IVD: variants seen among roughly 807,000 people sequenced by gnomAD.
IVD encodes the protein isovaleryl-CoA dehydrogenase, mitochondrial.
IVD carries 31 observed loss-of-function variants against 51.3 expected under a neutral mutation model. The ratio of observed to expected loss-of-function variants is 0.60; its 90% CI spans 0.45 to 0.81. The LOEUF is 0.81. Among genes scored for constraint, IVD ranks in the 40% least tolerant of loss-of-function variants. The pLI is 0.00. For missense variants in IVD, 475 were observed against 552.0 expected, an observed-to-expected ratio of 0.86 and a Z score of 1.40; for synonymous variants, 205 against 219.4, an observed-to-expected ratio of 0.93 and a Z score of 0.58.
chr15:40,421,936 G>T (rs1266926919), downstream of IVD, among the ~76,000 whole-genome samples: 1 of 152,208 alleles, frequency 6.6e-6, no homozygotes, highest in Admixed American at 6.5e-5. Context: ...CCTGCCTGCC[G>T]GGTGGGAGCT....
downstream of IVD, among the ~76,000 whole-genome samples, chr15:40,426,308 C>T (rs562301103): frequency 2.0e-5 from 3 of 152,008 alleles, no homozygotes; most frequent in African/African-American, 4.8e-5. Context: ...GAGGCCGAGG[C>T]GGGTGGATCA....
At chr15:40,410,553 A>T in intron 3 of IVD, 75 bp from the exon 4 acceptor site, 1 of 1,557,682 alleles carries the variant, frequency 6.4e-7, no homozygotes, top group South Asian at 1.1e-5. Context: ...CTGCCGTCAA[A>T]TGTAAGATTC....
chr15:40,411,474 C>T lies in IVD; in HGVS notation c.551-81C>T, dbSNP rs543060558. 228 of 1,606,726 alleles carry T rather than the reference C, an allele frequency of 1.4e-4. 1 individual carries two copies. In the East Asian group the frequency reaches 2.1e-3, roughly 14 times the overall value. On this transcript the variant is annotated intron_variant, in intron 5 of 11. Transcript: ENST00000487418. ...CCAGAACTTTCTCAAAGGTGGACAG[C>T]TTCTTGCTCAGCAGAAGGTCTATGG...
chr15:40,422,585 C>CTTTTTTTTTTTTT (rs1157351420), downstream of IVD, among the ~76,000 whole-genome samples: 532 of 69,122 alleles, frequency 7.7e-3, 65 homozygotes, highest in African/African-American at 0.011. Context: ...GCCCGGCCGA[C>CTTTTTTTTTTTTT]TTTTTTTTTT....
At chr15:40,435,304 C>T (rs1893204398) in intron 8 of IVD, 1 of 690,312 alleles carries the variant, frequency 1.4e-6, no homozygotes, top group South Asian at 5.8e-5. Context: ...AGGAGTGGAG[C>T]ATGGGGGTCT....
downstream of IVD, among the ~76,000 whole-genome samples, chr15:40,426,383 C>T (rs1386083796): frequency 6.6e-6 from 1 of 151,700 alleles, no homozygotes; most frequent in Non-Finnish European, 1.5e-5. Flanking sequence ...ACTAAAAATA[C>T]AAAAATTAGC....
At position 40,414,904 on chromosome 15, in the gene IVD, G is replaced by A; in HGVS notation, c.800G>A (p.Gly267Asp). The change falls in exon 8 of 12, where the codon GGC becomes GAC. Residue 267 changes from glycine to aspartate, a missense_variant. Gly to Asp is a moderately conservative substitution (Grantham distance 94). Transcript: ENST00000487418. Reference sequence around the variant, plus strand: ...ATCCTGGCAGCTGCCAACATCCTGGGCCATGAGAATAAGGGTGTCTACGTG... The same window carrying A: ...ATCCTGGCAGCTGCCAACATCCTGGACCATGAGAATAAGGGTGTCTACGTG... ...DCKIPAANIL[G>D]HENKGVYVLM... 1.2e-6 allele frequency: 2 copies of A among 1,614,156 alleles called. No individual in the cohort carries two copies. The highest frequency in any genetic ancestry group is 1.6e-4 in the Middle Eastern group (1 of 6,062).
At chr15:40,410,217 G>A (rs918059648) in intron 3 of IVD, among the ~76,000 whole-genome samples, 2 of 152,122 alleles carry the variant, frequency 1.3e-5, no homozygotes, top group Non-Finnish European at 1.5e-5. Flanking sequence ...CAGATCCTCT[G>A]GCTTTGTATC....
At chr15:40,416,490 T>C (rs1360490633) in intron 11 of IVD, 128 bp downstream of exon 11, 9 of 812,258 alleles carry the variant, frequency 1.1e-5, no homozygotes, top group East Asian at 2.7e-5. Context: ...GAGGCCGAGG[T>C]AGGCAGATCA....
At chr15:40,406,375 C>A in intron 1 of IVD, 1 of 1,291,222 alleles carries the variant, frequency 7.7e-7, no homozygotes, top group Non-Finnish European at 1.0e-6. Context: ...CCTGGGTGGT[C>A]ATCGTAATCA....
chr15:40,412,930 C>A, intron 6 of IVD, 61 bp from the exon 7 acceptor site: 1 of 1,412,060 alleles, frequency 7.1e-7, no homozygotes, highest in South Asian at 1.2e-5. Context: ...AGAGGCCTTT[C>A]CTTTACCAGG....
downstream of IVD, among the ~76,000 whole-genome samples, chr15:40,428,010 C>T (rs1595823430): frequency 6.6e-6 from 1 of 152,024 alleles, no homozygotes; most frequent in Non-Finnish European, 1.5e-5. Context: ...GGTGAAACCC[C>T]GTCTTTACTA....
chr15:40,427,492 C>T (rs1294306454), downstream of IVD, among the ~76,000 whole-genome samples: 3 of 152,174 alleles, frequency 2.0e-5, no homozygotes. Context: ...CAAGAGGCAA[C>T]CTCTACAAAG....
chr15:40,417,991 C>CTGGGGG, intron 11 of IVD, 139 bp from the exon 12 acceptor site: 1 of 1,197,298 alleles, frequency 8.4e-7, no homozygotes, highest in Non-Finnish European at 1.2e-6. Context: ...TCCCCACACC[C>CTGGGGG]CTCCCTCTTG....
chr15:40,421,221 G>GTC lies in IVD; in HGVS notation c.*2959_*2960dup. On this transcript the variant is annotated 3_prime_UTR_variant, in exon 12 of 12. Transcript: ENST00000487418. Reference sequence around the variant, plus strand: ...GCTTCATCCAGTCTGTCTAAGCCCTGTCGACTTGGGGAGGTGATTTCTTTC... The same window carrying GTC: ...GCTTCATCCAGTCTGTCTAAGCCCTGTCTCGACTTGGGGAGGTGATTTCTTTC... 1.0e-6 allele frequency: 1 copy of GTC among 985,462 alleles called. No individual in the cohort carries two copies. The highest frequency in any genetic ancestry group is 1.2e-6 in the Non-Finnish European group (1 of 829,928). The allele number at this position is 985,462 out of a possible 1,614,324, so 61.0% of individuals were successfully genotyped here. A position where few individuals can be genotyped will look rare whatever the true frequency, so the allele number is the denominator to read the frequency against.
chr15:40,432,648 G>A (rs2141436604), intron 7 of IVD, among the ~76,000 whole-genome samples: 1 of 152,376 alleles, frequency 6.6e-6, no homozygotes, highest in East Asian at 1.9e-4. Flanking sequence ...AGAGCCTGTA[G>A]GAGATGGAAC....
downstream of IVD, among the ~76,000 whole-genome samples, chr15:40,426,468 G>A (rs1566950145): frequency 1.3e-5 from 2 of 150,776 alleles, no homozygotes; most frequent in Admixed American, 6.6e-5. Context: ...AACCTGGGAG[G>A]CAGAGGTTGC....
chr15:40,411,607 T>C lies in IVD; in HGVS notation c.603T>C (p.Asp201=). 8 of 1,614,232 alleles carry C rather than the reference T, an allele frequency of 5.0e-6. No homozygotes were observed. Among genetic ancestry groups the C allele is most frequent in the Non-Finnish European group, 6.8e-6 (8 of 1,180,034 alleles). Residue 201 remains aspartate, a synonymous_variant, in exon 6 of 12, where the codon GAT becomes GAC. Transcript: ENST00000487418. ...GNKFWITNGP[D]ADVLIVYAKT... is the part of the protein sequence containing the mutation. Reference sequence around the variant, plus strand: ...AGTTCTGGATCACTAATGGCCCTGATGCTGACGTCCTGATTGTCTATGCCA... The same window carrying C: ...AGTTCTGGATCACTAATGGCCCTGACGCTGACGTCCTGATTGTCTATGCCA...
chr15:40,424,335 C>T, downstream of IVD: 1 of 453,760 alleles, frequency 2.2e-6, no homozygotes, highest in Middle Eastern at 3.6e-4. Flanking sequence ...GTCCTCACTG[C>T]CATGTTTCTC....
Sources: allele counts gnomAD v4.1 joint callset (sites outside exome capture counted in the v4.1 genomes callset), GRCh38; gene constraint gnomAD v4.1.1; transcripts MANE v1.5; gene names NCBI Gene and HGNC (gene_info 2026-07-23, HGNC 2026-07-21).